Variants in SOX6 observed in about 807,000 individuals in gnomAD.
SOX6 encodes the protein transcription factor SOX-6.
Under a neutral mutation model 97.8 loss-of-function variants are expected in SOX6, and 11 were observed. That is an observed-to-expected ratio of 0.11 (90% CI 0.07 to 0.19). The LOEUF is 0.19. Ranked by LOEUF, SOX6 falls within the 10% of genes least tolerant of loss-of-function variation. The pLI, the probability that SOX6 is intolerant of heterozygous loss-of-function variation, is 1.00. For missense variants in SOX6, 810 were observed against 1,039.5 expected, an observed-to-expected ratio of 0.78 and a Z score of 3.04; for synonymous variants, 360 against 371.4, an observed-to-expected ratio of 0.97 and a Z score of 0.35.
chr11:16,432,625 A>C (rs10734245), intron 1 of SOX6, among the ~76,000 whole-genome samples: 151,438 of 152,156 alleles, frequency 1, 75,367 homozygotes, highest in Middle Eastern at 1. Flanking sequence ...GGGTCTCAAT[A>C]TTTGTGGTGA....
intron 3 of SOX6, among the ~76,000 whole-genome samples, chr11:16,699,993 T>C (rs1024286514): frequency 2.0e-5 from 3 of 152,022 alleles, no homozygotes; most frequent in Non-Finnish European, 2.9e-5. Context: ...TTCATGGAGC[T>C]TTTGATCTAG....
At chr11:16,392,573 T>C (rs1193667013) in intron 1 of SOX6, among the ~76,000 whole-genome samples, 1 of 152,144 alleles carries the variant, frequency 6.6e-6, no homozygotes, top group Admixed American at 6.6e-5. Flanking sequence ...AACCTGTTCT[T>C]CCAAATGCAG....
intron 1 of SOX6, among the ~76,000 whole-genome samples, chr11:16,454,348 C>T (rs1019308795): frequency 6.6e-6 from 1 of 152,052 alleles, no homozygotes; most frequent in African/African-American, 2.4e-5. Flanking sequence ...CTTGAACACT[C>T]CTTCTTCCAA....
Position 16,651,183 on chromosome 11 carries a change from T to C in SOX6, n.430-38923A>G, listed in dbSNP as rs150690921. 4.3e-3 allele frequency among the ~76,000 whole-genome samples: 652 copies of C among 152,106 alleles called. 4 individuals are homozygous for C. Among genetic ancestry groups the C allele is most frequent in the African/African-American group, 0.014 (583 of 41,532 alleles). On this transcript the variant is annotated intron_variant and non_coding_transcript_variant, in intron 3 of 5. Transcript: ENST00000524520. ...CAAATGAATTCACAGATAAATTCTA[T>C]CAGACTTTCAAAGAAAAATCAGTAC...
intron 13 of SOX6, among the ~76,000 whole-genome samples, chr11:16,010,299 A>C (rs1854680912): frequency 6.6e-6 from 1 of 152,054 alleles, no homozygotes; most frequent in Non-Finnish European, 1.5e-5. Context: ...TTCTTGGTAC[A>C]CATATCTATT....
At chr11:16,524,056 G>A (rs1027214013) in intron 4 of SOX6, among the ~76,000 whole-genome samples, 1 of 152,136 alleles carries the variant, frequency 6.6e-6, no homozygotes, top group African/African-American at 2.4e-5. Flanking sequence ...GGTACAAGGA[G>A]GAACTGGTAC....
chr11:16,200,693 T>C (rs990072760), intron 4 of SOX6, among the ~76,000 whole-genome samples: 3 of 152,240 alleles, frequency 2.0e-5, no homozygotes, highest in Non-Finnish European at 4.4e-5. Flanking sequence ...GATCACCTTT[T>C]TGGCAACAAT....
At chr11:15,995,630 G>A (rs1450839436) in intron 13 of SOX6, among the ~76,000 whole-genome samples, 1 of 152,114 alleles carries the variant, frequency 6.6e-6, no homozygotes, top group Admixed American at 6.6e-5. Context: ...TCAACTAAGA[G>A]GTTTGAGACA....
At chr11:16,295,487 C>T (rs1253366418) in intron 3 of SOX6, among the ~76,000 whole-genome samples, 1 of 151,816 alleles carries the variant, frequency 6.6e-6, no homozygotes, top group African/African-American at 2.4e-5. Context: ...ATAAATACCA[C>T]CCCCCCTCAT....
At chr11:16,684,775 G>GA (rs987660696) in intron 3 of SOX6, among the ~76,000 whole-genome samples, 17 of 149,856 alleles carry the variant, frequency 1.1e-4, no homozygotes, top group East Asian at 3.9e-4. Flanking sequence ...TTTCTCTTTG[G>GA]AAAAAAAAAG....
intron 3 of SOX6, among the ~76,000 whole-genome samples, chr11:16,297,021 A>C (rs1855114591): frequency 6.6e-6 from 1 of 152,190 alleles, no homozygotes; most frequent in Non-Finnish European, 1.5e-5. Flanking sequence ...TTATATTTCA[A>C]AATAAAAGTT....
chr11:16,100,544 C>T (rs58385655), intron 7 of SOX6, among the ~76,000 whole-genome samples: 3,946 of 151,696 alleles, frequency 0.026, 173 homozygotes, highest in African/African-American at 0.09. Context: ...GAATAGGCAG[C>T]ATTCCTTTGG....
At chr11:16,180,175 G>A (rs1343805888) in intron 6 of SOX6, among the ~76,000 whole-genome samples, 1 of 151,756 alleles carries the variant, frequency 6.6e-6, no homozygotes. Flanking sequence ...GCCTAGAATT[G>A]TCTTATATTT....
At chr11:16,072,832 T>G (rs1255037100) in intron 9 of SOX6, among the ~76,000 whole-genome samples, 1 of 152,182 alleles carries the variant, frequency 6.6e-6, no homozygotes, top group Non-Finnish European at 1.5e-5. Context: ...AATTTCATAT[T>G]CAGACAAACT....
intron 3 of SOX6, among the ~76,000 whole-genome samples, chr11:16,287,837 G>C (rs565362296): frequency 2.6e-5 from 4 of 152,224 alleles, no homozygotes; most frequent in African/African-American, 9.6e-5. Flanking sequence ...GCTTTGTTGG[G>C]CCTTGGGTAC....
intron 3 of SOX6, chr11:16,315,388 A>T (rs1590117656): frequency 2.6e-5 from 4 of 152,332 alleles, no homozygotes; most frequent in Admixed American, 2.6e-4. Flanking sequence ...TTCACAGAAG[A>T]AGAATATGTA....
At chr11:16,600,188 T>C (rs576694946) in intron 4 of SOX6, among the ~76,000 whole-genome samples, 1 of 152,356 alleles carries the variant, frequency 6.6e-6, no homozygotes, top group South Asian at 2.1e-4. Flanking sequence ...GCATTTTAAT[T>C]ACCATGCAGC....
chr11:16,303,899 G>A (rs1855339696), intron 3 of SOX6, among the ~76,000 whole-genome samples: 1 of 151,984 alleles, frequency 6.6e-6, no homozygotes, highest in African/African-American at 2.4e-5. Flanking sequence ...GTTTTGTGGG[G>A]GGTTTCTTTG....
chr11:16,476,409 G>A (rs1329354185), upstream of SOX6: 3 of 152,156 alleles, frequency 2.0e-5, no homozygotes, highest in Non-Finnish European at 4.4e-5. Flanking sequence ...AATAGAAAAT[G>A]AAATAAAAAA....
Sources: gnomAD v4.1 joint callset for allele counts (sites outside exome capture counted in the v4.1 genomes callset) on GRCh38, gnomAD v4.1.1 for gene constraint, MANE v1.5 for transcripts, NCBI Gene and HGNC (gene_info 2026-07-23, HGNC 2026-07-21) for gene names.